EHBP1: variants seen among roughly 807,000 people sequenced by gnomAD.
EHBP1 encodes EH domain binding protein 1.
A neutral mutation model predicts 144.0 loss-of-function variants in EHBP1; 55 were observed. The observed-to-expected ratio is 0.38, with a 90% CI of 0.31 to 0.48. The LOEUF is 0.48. Ranked by LOEUF, EHBP1 falls within the 20% of genes least tolerant of loss-of-function variation. The pLI is 0.98. For missense variants in EHBP1, 1,200 were observed against 1,364.2 expected, an observed-to-expected ratio of 0.88 and a Z score of 1.90; for synonymous variants, 469 against 472.7, an observed-to-expected ratio of 0.99 and a Z score of 0.10.
At chr2:62,825,686 A>C (rs1160506956) in intron 5 of EHBP1, among the ~76,000 whole-genome samples, 1 of 152,054 alleles carries the variant, frequency 6.6e-6, no homozygotes, top group East Asian at 1.9e-4. Context: ...AAAAGGAGAA[A>C]TATCATTAGG....
chr2:62,742,736 G>A (rs1422994622), intron 2 of EHBP1, among the ~76,000 whole-genome samples: 1 of 152,022 alleles, frequency 6.6e-6, no homozygotes, highest in Non-Finnish European at 1.5e-5. Flanking sequence ...TTAAGACAAA[G>A]AACACTACTC....
At chr2:62,817,682 A>G (rs891280296) in intron 5 of EHBP1, among the ~76,000 whole-genome samples, 5 of 152,218 alleles carry the variant, frequency 3.3e-5, no homozygotes, top group East Asian at 1.9e-4. Flanking sequence ...AGATTAGTTT[A>G]AAGGGTATTA....
In EHBP1 at chr2:63,046,008, A is replaced by G. The variant is rs1158419893; in HGVS notation, c.*508A>G. 6.5e-6 allele frequency: 1 copy of G among 154,572 alleles called. No individual in the cohort carries two copies. The highest frequency in any genetic ancestry group is 1.4e-5 in the Non-Finnish European group (1 of 69,424). The allele number at this position is 154,572 out of a possible 1,614,324, so 9.6% of individuals were successfully genotyped here. A position where few individuals can be genotyped will look rare whatever the true frequency, so the allele number is the denominator to read the frequency against. ...AAATTTTATAGTTAGATCATATCCA[A>G]TCTACTTATTAAACTGTGTTCTATT... On this transcript the variant is annotated 3_prime_UTR_variant, in exon 23 of 23. Transcript: ENST00000431489.
chr2:62,919,001 C>T (rs868310843), intron 10 of EHBP1, among the ~76,000 whole-genome samples: 2 of 152,226 alleles, frequency 1.3e-5, no homozygotes, highest in African/African-American at 2.4e-5. Context: ...GGTTTCAGCT[C>T]TTAGCTCAGC....
chr2:62,766,084 A>C (rs1434573184), intron 4 of EHBP1, among the ~76,000 whole-genome samples: 1 of 152,204 alleles, frequency 6.6e-6, no homozygotes, highest in East Asian at 1.9e-4. Context: ...TTACTCATAA[A>C]AATAGTTGCT....
In EHBP1 at chr2:62,874,352, T is replaced by C; in HGVS notation, c.1005T>C (p.Asn335=). 6.3e-7 allele frequency: 1 copy of C among 1,583,872 alleles called. No individual in the cohort carries two copies. The highest frequency in any genetic ancestry group is 1.4e-5 in the African/African-American group (1 of 73,726). ...TAATTCTTCTTTCACTTAGATCAAA[T>C]CCTTTTTATGAACCTAAATCAACTC... ...KTEEEELDES[N]PFYEPKSTPP... Residue 335 remains asparagine (N), a synonymous_variant, in exon 10 of 23, where the codon AAT becomes AAC. Coordinates refer to ENST00000431489, the MANE Select transcript of EHBP1 (RefSeq NM_001142616.3).
In EHBP1 at chr2:62,706,898, C is replaced by T. The variant is rs1558523397; in HGVS notation, c.-294C>T. The T allele has an allele frequency of 3.5e-6, 1 of 286,364 alleles. No individual in the cohort carries two copies. Among genetic ancestry groups the T allele is most frequent in the Non-Finnish European group, 6.6e-6 (1 of 150,734 alleles). 17.7% of individuals were successfully genotyped at this position (286,364 alleles called of 1,614,324 possible). ...TTTTGTCTTTGTTTTGCTTTTCAGCCCTCCAGAATACCCATCATATAGCCC... is the reference window on the plus strand; with the variant it reads ...TTTTGTCTTTGTTTTGCTTTTCAGCTCTCCAGAATACCCATCATATAGCCC... On this transcript the variant is annotated splice_region_variant and 5_prime_UTR_variant, in exon 2 of 23. Transcript: ENST00000431489.
In EHBP1 at chr2:62,717,679, T is replaced by C. The variant is rs564526214; in HGVS notation, c.104+10384T>C. Among the ~76,000 whole-genome samples, 14 of 152,224 alleles carry C rather than the reference T, an allele frequency of 9.2e-5. No homozygotes were observed. The South Asian group carries it at 2.9e-3, about 32-fold the overall frequency. ...TTTCTGGTTTTATTAATCCGGGTATTGTTATTTCGAAAATAGTTTTAATAA... is the reference window on the plus strand; with the variant it reads ...TTTCTGGTTTTATTAATCCGGGTATCGTTATTTCGAAAATAGTTTTAATAA... On this transcript the variant is annotated intron_variant, in intron 2 of 22. Coordinates refer to ENST00000431489, the MANE Select transcript of EHBP1 (RefSeq NM_001142616.3).
intron 19 of EHBP1, among the ~76,000 whole-genome samples, chr2:63,032,566 C>CAAAAA (rs35237077): frequency 3.5e-5 from 1 of 28,274 alleles, no homozygotes; most frequent in African/African-American, 1.5e-4. Flanking sequence ...GACTCTGTCT[C>CAAAAA]AAAAAAAAAA....
At chr2:62,729,373 A>AATAATAAATATAATATTTATTATAT (rs2037182601) in intron 2 of EHBP1, among the ~76,000 whole-genome samples, 2 of 123,960 alleles carry the variant, frequency 1.6e-5, no homozygotes, top group African/African-American at 6.2e-5. Context: ...AATATAATAT[A>AATAATAAATATAATATTTATTATAT]ATAATAAATA....
intron 12 of EHBP1, among the ~76,000 whole-genome samples, chr2:62,946,965 C>A (rs1017077020): frequency 6.6e-6 from 1 of 152,152 alleles, no homozygotes; most frequent in African/African-American, 2.4e-5. Flanking sequence ...CTGATCTTAA[C>A]CAATATGTCA....
chr2:62,826,210 G>T lies in EHBP1; in HGVS notation c.436G>T (p.Val146Leu), dbSNP rs142870089. The T allele has an allele frequency of 6.2e-7, 1 of 1,610,640 alleles. No individual in the cohort carries two copies. The change falls in exon 6 of 23, where the codon GTA (valine) becomes TTA (leucine). Residue 146 changes from valine to leucine, a missense_variant. This residue lies in a region of EHBP1 where 137 missense variants were observed against 190.1 expected (regional missense o/e 0.72). Transcript: ENST00000431489. ...LKFKPLSKKV[V>L]SAALQFSLSC... ...ATTCAAGCCATTATCTAAAAAAGTT[G>T]TATCTGCCGCTCTTCAGTTTTCATT...
intron 5 of EHBP1, among the ~76,000 whole-genome samples, chr2:62,773,885 AGAG>A (rs1485856945): frequency 1.4e-5 from 2 of 139,022 alleles, no homozygotes; most frequent in Non-Finnish European, 3.1e-5. Flanking sequence ...AAAAAAAAAA[AGAG>A]AGAGAGAAGA....
intron 1 of EHBP1, among the ~76,000 whole-genome samples, chr2:62,699,727 T>C (rs532017235): frequency 6.6e-6 from 1 of 152,366 alleles, no homozygotes; most frequent in Non-Finnish European, 1.5e-5. Context: ...GTCCACACTT[T>C]GAATATCATT....
intron 5 of EHBP1, among the ~76,000 whole-genome samples, chr2:62,799,123 GA>G (rs749201733): frequency 4.6e-5 from 7 of 151,696 alleles, no homozygotes; most frequent in Non-Finnish European, 8.8e-5. Flanking sequence ...CTAAAGGAAA[GA>G]TGTATGGTTA....
chr2:62,982,047 T>A (rs778742561), intron 15 of EHBP1, among the ~76,000 whole-genome samples: 5 of 152,188 alleles, frequency 3.3e-5, no homozygotes, highest in Admixed American at 6.5e-5. Context: ...TCTTGGCCTG[T>A]CTTCATAAAG....
intron 10 of EHBP1, among the ~76,000 whole-genome samples, chr2:62,890,051 T>C (rs1184220938): frequency 1.3e-5 from 2 of 148,758 alleles, no homozygotes; most frequent in Admixed American, 6.8e-5. Context: ...AACCTCCGCC[T>C]CTGGGTTCAA....
At chr2:62,760,916 T>C (rs1469290111) in intron 3 of EHBP1, among the ~76,000 whole-genome samples, 1 of 152,192 alleles carries the variant, frequency 6.6e-6, no homozygotes, top group Non-Finnish European at 1.5e-5. Context: ...TCATTGAGAA[T>C]TTAATAGGTA....
intron 14 of EHBP1, chr2:62,964,991 G>T (rs940854981): frequency 2.0e-5 from 3 of 152,618 alleles, no homozygotes; most frequent in African/African-American, 7.2e-5. Context: ...ATAATACCAC[G>T]AACTGAGTAG....
Sources: allele counts gnomAD v4.1 joint callset (sites outside exome capture counted in the v4.1 genomes callset), GRCh38; gene constraint gnomAD v4.1.1; regional missense constraint gnomAD v4.1.1; transcripts MANE v1.5; gene names NCBI Gene and HGNC (gene_info 2026-07-23, HGNC 2026-07-21).